NWD2: variants seen among roughly 807,000 people sequenced by gnomAD.
The protein encoded by NWD2 is NACHT and WD repeat domain containing 2.
A neutral mutation model predicts 132.7 loss-of-function variants in NWD2; 37 were observed. The ratio of observed to expected loss-of-function variants is 0.28; its 90% CI spans 0.21 to 0.37. The LOEUF (loss-of-function observed/expected upper bound fraction) is 0.37, where lower values mean the gene tolerates loss of function less well. NWD2 is among the 10% of genes least tolerant of loss of function. The pLI, the probability that NWD2 is intolerant of heterozygous loss-of-function variation, is 1.00. For synonymous variants in NWD2, 705 were observed against 803.0 expected (o/e 0.88, Z 2.06); for missense variants, 1,592 against 2,122.4 (o/e 0.75, Z 4.91).
In NWD2 at chr4:37,443,179, G is replaced by A; in HGVS notation, c.1297-106G>A. ...AATTTTTGGTCCTAAGCTATTTCCT[G>A]CACAGCAGAGGAGACCAGAAATCTG... On this transcript the variant is annotated intron_variant, in intron 6 of 6. Transcript: ENST00000309447. The surrounding 1 kb of genome is among the most constrained non-coding windows in gnomAD (Gnocchi z 4.1). 6.0e-6 allele frequency: 6 copies of A among 1,005,422 alleles called. No individual in the cohort carries two copies. The East Asian group carries it at 1.6e-4, about 26-fold the overall frequency. 62.3% of individuals were successfully genotyped at this position (1,005,422 alleles called of 1,614,324 possible). A position where few individuals can be genotyped will look rare whatever the true frequency, so the allele number is the denominator to read the frequency against.
chr4:37,414,446 G>A (rs1048622957), intron 3 of NWD2, among the ~76,000 whole-genome samples: 1 of 151,104 alleles, frequency 6.6e-6, no homozygotes, highest in African/African-American at 2.4e-5. Flanking sequence ...AGCTTTAAGT[G>A]GCCTCAGCCA....
chr4:37,261,537 T>C (rs1717636945), intron 1 of NWD2, among the ~76,000 whole-genome samples: 1 of 152,200 alleles, frequency 6.6e-6, no homozygotes, highest in South Asian at 2.1e-4. Flanking sequence ...GCAAGAATCA[T>C]ACAAGTATTT....
chr4:37,395,230 G>A (rs1720763293), intron 3 of NWD2, among the ~76,000 whole-genome samples: 2 of 151,884 alleles, frequency 1.3e-5, no homozygotes, highest in Non-Finnish European at 2.9e-5. Context: ...GAACAATGGT[G>A]ACACATGCTA....
At chr4:37,418,287 G>A (rs1432083814) in intron 3 of NWD2, among the ~76,000 whole-genome samples, 3 of 70,264 alleles carry the variant, frequency 4.3e-5, no homozygotes, top group Non-Finnish European at 8.5e-5. Flanking sequence ...AAATATCAAT[G>A]AGTCCATACT....
At chr4:37,394,116 A>G (rs948603879) in intron 3 of NWD2, among the ~76,000 whole-genome samples, 1 of 152,230 alleles carries the variant, frequency 6.6e-6, no homozygotes, top group Admixed American at 6.5e-5. Flanking sequence ...AAGTAAATGT[A>G]TAATCTCACC....
At chr4:37,280,757 G>A (rs1718111263) in intron 1 of NWD2, among the ~76,000 whole-genome samples, 1 of 152,132 alleles carries the variant, frequency 6.6e-6, no homozygotes, top group African/African-American at 2.4e-5. Flanking sequence ...GCTAACAATA[G>A]TAGAATTGTT....
chr4:37,345,829 C>T (rs934308378), intron 2 of NWD2, among the ~76,000 whole-genome samples: 6 of 152,116 alleles, frequency 3.9e-5, no homozygotes, highest in Non-Finnish European at 7.4e-5. Context: ...TGCCTGTAAT[C>T]GAGCACTTTG....
intron 1 of NWD2, among the ~76,000 whole-genome samples, chr4:37,323,868 A>G (rs1719118310): frequency 6.6e-6 from 1 of 151,918 alleles, no homozygotes; most frequent in Non-Finnish European, 1.5e-5. Context: ...AAAAAAAAAA[A>G]AGAATGCAAT....
chr4:37,389,785 A>AT (rs5857564), intron 3 of NWD2, among the ~76,000 whole-genome samples: 75,936 of 149,288 alleles, frequency 0.51, 19,163 homozygotes, highest in South Asian at 0.53. Context: ...AATCATACGC[A>AT]TTTTTTTTTT....
rs750508918 is a variant in NWD2 at position 37,447,096 on chromosome 4, TCA to T, written c.5111_5112del (p.Thr1704SerfsTer2). The T allele has an allele frequency of 1.3e-6, 2 of 1,551,546 alleles. No homozygotes were observed. On this transcript the variant is annotated frameshift_variant, in exon 7 of 7. Coordinates refer to ENST00000309447, the MANE Select transcript of NWD2 (RefSeq NM_001144990.2). LOFTEE classifies it high-confidence loss of function. ...GAGGTCTTTGCAAGAGACAGCCCCA[TCA>T]CAGTTAGTGACTCTACTGAGTCCAA...
At chr4:37,423,952 A>G (rs761405622) in intron 3 of NWD2, among the ~76,000 whole-genome samples, 22 of 152,184 alleles carry the variant, frequency 1.4e-4, no homozygotes, top group Non-Finnish European at 2.4e-4. Flanking sequence ...CTTGACTTCC[A>G]AATCATTGAG....
At chr4:37,303,447 C>A (rs188969806) in intron 1 of NWD2, among the ~76,000 whole-genome samples, 9 of 152,090 alleles carry the variant, frequency 5.9e-5, no homozygotes, top group Non-Finnish European at 8.8e-5. Flanking sequence ...ATTTTTGTTA[C>A]GGTTCCATAT....
intron 1 of NWD2, among the ~76,000 whole-genome samples, chr4:37,266,269 A>G (rs112651766): frequency 3.9e-5 from 6 of 152,200 alleles, no homozygotes; most frequent in African/African-American, 1.4e-4. Flanking sequence ...TGTTAACTCA[A>G]GTAATTGAAT....
intron 1 of NWD2, among the ~76,000 whole-genome samples, chr4:37,303,201 G>T (rs898383190): frequency 1.3e-5 from 2 of 152,114 alleles, no homozygotes; most frequent in African/African-American, 4.8e-5. Context: ...TTATTTGAAG[G>T]AGGCTGTTCT....
intron 1 of NWD2, among the ~76,000 whole-genome samples, chr4:37,300,189 G>A (rs1415871343): frequency 6.6e-6 from 1 of 152,094 alleles, no homozygotes; most frequent in Non-Finnish European, 1.5e-5. Flanking sequence ...GTAGCACTTT[G>A]CTTATACTCT....
chr4:37,249,998 G>T (rs146446222), intron 1 of NWD2, among the ~76,000 whole-genome samples: 1 of 152,114 alleles, frequency 6.6e-6, no homozygotes, highest in African/African-American at 2.4e-5. Context: ...CCACACAAAA[G>T]GCAGACATAT....
At chr4:37,358,692 A>G (rs774710701) in intron 3 of NWD2, among the ~76,000 whole-genome samples, 2 of 152,202 alleles carry the variant, frequency 1.3e-5, no homozygotes, top group Non-Finnish European at 2.9e-5. Context: ...TCATCGGGTC[A>G]TTCTGAGAAT....
At chr4:37,272,469 C>G (rs573776122) in intron 1 of NWD2, among the ~76,000 whole-genome samples, 2 of 151,886 alleles carry the variant, frequency 1.3e-5, no homozygotes, top group Admixed American at 1.3e-4. Flanking sequence ...TAGTACAAGT[C>G]AGATTTTCTG....
intron 2 of NWD2, among the ~76,000 whole-genome samples, chr4:37,338,242 T>C (rs1719449398): frequency 6.6e-6 from 1 of 152,206 alleles, no homozygotes; most frequent in South Asian, 2.1e-4. Context: ...ACAAATAAAT[T>C]GTGTGTGATC....
Sources: gnomAD v4.1 joint callset for allele counts (sites outside exome capture counted in the v4.1 genomes callset) on GRCh38, gnomAD v4.1.1 for gene constraint, Gnocchi (gnomAD v3.1) non-coding constraint, MANE v1.5 for transcripts, NCBI Gene and HGNC (gene_info 2026-07-23, HGNC 2026-07-21) for gene names.